The following IGF2BP2 variants were observed in gnomAD, a reference collection of about 807,000 sequenced individuals.
IGF2BP2 encodes the protein insulin like growth factor 2 mRNA binding protein 2.
In IGF2BP2, 17 loss-of-function variants were observed where a neutral mutation model predicts 75.8. That is an observed-to-expected ratio of 0.22 (90% CI 0.15 to 0.34). IGF2BP2 has a LOEUF of 0.34. Ranked by LOEUF, IGF2BP2 falls within the 10% of genes least tolerant of loss-of-function variation. IGF2BP2 has a pLI of 1.00. For synonymous variants in IGF2BP2, 288 were observed against 295.6 expected (o/e 0.97, Z 0.26); for missense variants, 516 against 772.4 (o/e 0.67, Z 3.93).
chr3:185,786,792 T>C (rs1190127382), intron 2 of IGF2BP2, among the ~76,000 whole-genome samples: 1 of 152,156 alleles, frequency 6.6e-6, no homozygotes, highest in African/African-American at 2.4e-5. Flanking sequence ...CATCAAAATC[T>C]GAAAGGACTC....
intron 2 of IGF2BP2, among the ~76,000 whole-genome samples, chr3:185,764,156 A>G (rs1325844467): frequency 6.6e-6 from 1 of 152,074 alleles, no homozygotes; most frequent in Non-Finnish European, 1.5e-5. Context: ...TGTCTATTAT[A>G]TAAGTAATTG....
chr3:185,657,709 G>A (rs2149097310), intron 11 of IGF2BP2, among the ~76,000 whole-genome samples: 1 of 152,316 alleles, frequency 6.6e-6, no homozygotes, highest in South Asian at 2.1e-4. Flanking sequence ...AATGTGATCT[G>A]TATCTCTCCT....
chr3:185,817,084 T>G (rs757876050), intron 2 of IGF2BP2, among the ~76,000 whole-genome samples: 2 of 152,238 alleles, frequency 1.3e-5, no homozygotes, highest in Non-Finnish European at 2.9e-5. Flanking sequence ...GAACTCTTAA[T>G]TTTCATTTAT....
intron 2 of IGF2BP2, among the ~76,000 whole-genome samples, chr3:185,699,148 GA>G (rs1314368830): frequency 3.3e-5 from 5 of 150,858 alleles, no homozygotes; most frequent in Non-Finnish European, 7.4e-5. Flanking sequence ...AATTACTTTG[GA>G]AAAAAACAAA....
intron 2 of IGF2BP2, among the ~76,000 whole-genome samples, chr3:185,751,199 A>C (rs932671678): frequency 6.6e-6 from 1 of 152,212 alleles, no homozygotes; most frequent in Non-Finnish European, 1.5e-5. Flanking sequence ...AAATTGCTTC[A>C]AGTAACATTA....
chr3:185,785,417 A>T (rs568188158), intron 2 of IGF2BP2, among the ~76,000 whole-genome samples: 254 of 119,868 alleles, frequency 2.1e-3, no homozygotes, highest in Non-Finnish European at 4.0e-3. Flanking sequence ...AACGAGTGTT[A>T]AAAAAAAAAA....
In IGF2BP2 at chr3:185,739,530, A is replaced by T. The variant is rs151191717; in HGVS notation, c.240-41183T>A. ...CCTGGCTTTCTCCTGGCTCCTCAGG[A>T]ATCACTACCACCTGCCGGAATGCAG... On this transcript the variant is annotated intron_variant, in intron 2 of 15. Transcript: ENST00000382199. Among the ~76,000 whole-genome samples, 255 of 152,298 alleles carry T rather than the reference A, an allele frequency of 1.7e-3. 1 individual carries two copies. Among genetic ancestry groups the T allele is most frequent in the East Asian group, 2.7e-3 (14 of 5,180 alleles).
At chr3:185,770,572 G>A (rs898087111) in intron 2 of IGF2BP2, among the ~76,000 whole-genome samples, 3 of 152,148 alleles carry the variant, frequency 2.0e-5, no homozygotes, top group Non-Finnish European at 4.4e-5. Flanking sequence ...TGGAAAATTG[G>A]TAACAGACTC....
intron 2 of IGF2BP2, chr3:185,814,242 T>C (rs1740306733): frequency 6.6e-6 from 1 of 152,210 alleles, no homozygotes; most frequent in South Asian, 2.1e-4. Context: ...CTCAACTGCA[T>C]TTTTTCAGTG....
intron 2 of IGF2BP2, among the ~76,000 whole-genome samples, chr3:185,731,800 C>G (rs1290657305): frequency 6.6e-6 from 1 of 151,700 alleles, no homozygotes; most frequent in Non-Finnish European, 1.5e-5. Context: ...ATGGTGAAAC[C>G]CCATCTCTAC....
chr3:185,733,394 G>A (rs1289889918), intron 2 of IGF2BP2, among the ~76,000 whole-genome samples: 1 of 152,190 alleles, frequency 6.6e-6, no homozygotes, highest in African/African-American at 2.4e-5. Context: ...TAGATGCTAA[G>A]CACCAGAAGT....
intron 2 of IGF2BP2, among the ~76,000 whole-genome samples, chr3:185,794,077 C>A (rs1737009871): frequency 6.6e-6 from 1 of 151,762 alleles, no homozygotes; most frequent in African/African-American, 2.4e-5. Flanking sequence ...CCCGCCTCAG[C>A]CTCTCAAGCA....
chr3:185,771,408 C>T (rs1313764394), intron 2 of IGF2BP2, among the ~76,000 whole-genome samples: 1 of 150,642 alleles, frequency 6.6e-6, no homozygotes, highest in East Asian at 2.0e-4. Context: ...CCACTGCACT[C>T]CAGCCTGGGC....
intron 4 of IGF2BP2, among the ~76,000 whole-genome samples, chr3:185,695,704 G>A (rs1229711576): frequency 2.0e-5 from 3 of 152,180 alleles, no homozygotes; most frequent in African/African-American, 7.2e-5. Flanking sequence ...GAGGTTGGCA[G>A]GAAGAAAAGT....
chr3:185,764,817 G>A (rs780634073), intron 2 of IGF2BP2, among the ~76,000 whole-genome samples: 2 of 152,100 alleles, frequency 1.3e-5, no homozygotes, highest in African/African-American at 4.8e-5. Flanking sequence ...AAAATCCCCT[G>A]ACAGGCTTTA....
intron 2 of IGF2BP2, among the ~76,000 whole-genome samples, chr3:185,713,074 A>C (rs188707509): frequency 6.9e-6 from 1 of 144,486 alleles, no homozygotes; most frequent in African/African-American, 2.6e-5. Flanking sequence ...ACAGATATGT[A>C]TGTGTGTGTG....
chr3:185,778,266 C>T (rs555167620), intron 2 of IGF2BP2, among the ~76,000 whole-genome samples: 8 of 152,238 alleles, frequency 5.3e-5, no homozygotes, highest in Non-Finnish European at 1.2e-4. Context: ...CTCACACACA[C>T]CCCCACACTC....
chr3:185,755,317 G>A (rs1731473958), intron 2 of IGF2BP2, among the ~76,000 whole-genome samples: 1 of 152,222 alleles, frequency 6.6e-6, no homozygotes, highest in South Asian at 2.1e-4. Context: ...AACCTTGGTA[G>A]CTTCCACATG....
At chr3:185,780,481 C>T (rs138726432) in intron 2 of IGF2BP2, among the ~76,000 whole-genome samples, 4 of 152,272 alleles carry the variant, frequency 2.6e-5, no homozygotes, top group South Asian at 2.1e-4. Flanking sequence ...CAGCAAACTG[C>T]GGGTATTTGG....
Sources: allele counts gnomAD v4.1 joint callset (sites outside exome capture counted in the v4.1 genomes callset), GRCh38; gene constraint gnomAD v4.1.1; transcripts MANE v1.5; gene names NCBI Gene and HGNC (gene_info 2026-07-23, HGNC 2026-07-21).